SKIC3: variants seen among roughly 807,000 people sequenced by gnomAD.
SKIC3 encodes SKI3 subunit of superkiller complex, also known as superkiller complex protein 3.
the SKIC3 span, chr5:95,522,201 T>C: frequency 1.2e-6 from 2 of 1,613,898 alleles, no homozygotes; most frequent in Non-Finnish European, 1.7e-6. Flanking sequence ...CTGGCTTTTG[T>C]GAAGGACTTC....
the SKIC3 span, among the ~76,000 whole-genome samples, chr5:95,490,285 C>T: frequency 6.6e-6 from 1 of 151,732 alleles, no homozygotes; most frequent in South Asian, 2.1e-4. Flanking sequence ...GTAAATGCTA[C>T]AAAACAAAGA....
At chr5:95,526,047 CTA>C in the SKIC3 span, among the ~76,000 whole-genome samples, 1 of 152,116 alleles carries the variant, frequency 6.6e-6, no homozygotes, top group Non-Finnish European at 1.5e-5. Flanking sequence ...ACTTCAGTAT[CTA>C]TATCTAAAAG....
the SKIC3 span, among the ~76,000 whole-genome samples, chr5:95,501,518 A>T: frequency 6.6e-6 from 1 of 152,108 alleles, no homozygotes; most frequent in Admixed American, 6.5e-5. Flanking sequence ...ATCAAACAAA[A>T]TAATGCCAAT....
the SKIC3 span, chr5:95,540,913 TTTTAA>T: frequency 7.5e-7 from 1 of 1,340,568 alleles, no homozygotes; most frequent in African/African-American, 1.5e-5. Flanking sequence ...ATAAAAACAT[TTTTAA>T]TTTGTTAATA....
the SKIC3 span, among the ~76,000 whole-genome samples, chr5:95,550,910 T>C: frequency 2.0e-5 from 3 of 152,204 alleles, no homozygotes; most frequent in Non-Finnish European, 2.9e-5. Flanking sequence ...CAGAAGGATT[T>C]TGAGAAACCA....
At chr5:95,516,787 T>C in the SKIC3 span, 1 of 1,603,848 alleles carries the variant, frequency 6.2e-7, no homozygotes, top group Non-Finnish European at 8.5e-7. Flanking sequence ...TTTTATTTCT[T>C]GGAATAGCAG....
chr5:95,466,347 T>A, the SKIC3 span, among the ~76,000 whole-genome samples: 1 of 152,308 alleles, frequency 6.6e-6, no homozygotes, highest in South Asian at 2.1e-4. Context: ...TAGGATTCTG[T>A]TACCTCTAAC....
chr5:95,516,993 A>G, the SKIC3 span: 1 of 1,613,518 alleles, frequency 6.2e-7, no homozygotes, highest in South Asian at 1.1e-5. Flanking sequence ...GCTTGGCGAT[A>G]ATAATTAATT....
the SKIC3 span, chr5:95,484,603 T>C: frequency 7.9e-6 from 11 of 1,394,262 alleles, no homozygotes; most frequent in Admixed American, 8.8e-5. Context: ...CATCTCAGTC[T>C]CCCAAAGTGC....
chr5:95,519,588 TAA>T, the SKIC3 span, among the ~76,000 whole-genome samples: 1 of 152,074 alleles, frequency 6.6e-6, no homozygotes, highest in South Asian at 2.1e-4. Context: ...CAGGCGATTT[TAA>T]GAGCCTAAAT....
chr5:95,541,493 T>C, the SKIC3 span: 2 of 1,013,002 alleles, frequency 2.0e-6, no homozygotes, highest in Non-Finnish European at 3.0e-6. Context: ...TTTCAGGTAC[T>C]ATTTTAAATT....
chr5:95,467,375 T>C, the SKIC3 span, among the ~76,000 whole-genome samples: 1 of 152,310 alleles, frequency 6.6e-6, no homozygotes, highest in East Asian at 1.9e-4. Context: ...GCTTCACAAC[T>C]GATCACGACC....
At chr5:95,481,883 C>T in the SKIC3 span, among the ~76,000 whole-genome samples, 2 of 152,018 alleles carry the variant, frequency 1.3e-5, no homozygotes, top group African/African-American at 4.8e-5. Context: ...TCAAAAAGCC[C>T]TTTTGATACT....
At chr5:95,483,762 A>G in the SKIC3 span, among the ~76,000 whole-genome samples, 1 of 152,198 alleles carries the variant, frequency 6.6e-6, no homozygotes. Context: ...TCATTCTTTC[A>G]GTAAATATTT....
chr5:95,502,681 G>A, the SKIC3 span, among the ~76,000 whole-genome samples: 1 of 152,140 alleles, frequency 6.6e-6, no homozygotes, highest in Non-Finnish European at 1.5e-5. Flanking sequence ...CAGTTTCGAA[G>A]AATCCAATAG....
the SKIC3 span, chr5:95,537,081 G>T: frequency 4.3e-6 from 7 of 1,613,550 alleles, no homozygotes; most frequent in Non-Finnish European, 5.9e-6. Context: ...TAAAGTACTT[G>T]GTGATCTTCA....
chr5:95,464,178 C>G, the SKIC3 span: 37,819 of 158,310 alleles, frequency 0.24, 5,891 homozygotes, highest in African/African-American at 0.44. Flanking sequence ...GAATTCATAG[C>G]AAGAATTAAA....
chr5:95,519,421 T>C, the SKIC3 span, among the ~76,000 whole-genome samples: 1 of 152,124 alleles, frequency 6.6e-6, no homozygotes, highest in Admixed American at 6.6e-5. Flanking sequence ...TTTTCCAATG[T>C]CTTCCTAAGA....
At chr5:95,495,105 A>T in the SKIC3 span, 2 of 1,267,266 alleles carry the variant, frequency 1.6e-6, no homozygotes, top group Non-Finnish European at 2.3e-6. Context: ...TTTCCACTAA[A>T]TCACTGGAAA....
Sources: allele counts gnomAD v4.1 joint callset (sites outside exome capture counted in the v4.1 genomes callset), GRCh38; gene constraint gnomAD v4.1.1; transcripts MANE v1.5; gene names NCBI Gene and HGNC (gene_info 2026-07-23, HGNC 2026-07-21).